Variants in ANKS1B observed in about 807,000 individuals in gnomAD.
ANKS1B encodes the protein ankyrin repeat and sterile alpha motif domain-containing protein 1B.
A neutral mutation model predicts 148.3 loss-of-function variants in ANKS1B; 36 were observed. The ratio of observed to expected loss-of-function variants is 0.24; its 90% CI spans 0.19 to 0.32. The LOEUF (loss-of-function observed/expected upper bound fraction) is 0.32, where lower values mean the gene tolerates loss of function less well. Among genes scored for constraint, ANKS1B ranks in the 10% least tolerant of loss-of-function variants. ANKS1B has a pLI of 1.00. For synonymous variants in ANKS1B, 542 were observed against 560.8 expected, an observed-to-expected ratio of 0.97 and a Z score of 0.47; for missense variants, 1,157 against 1,542.6, an observed-to-expected ratio of 0.75 and a Z score of 4.19.
chr12:99,846,400 C>T (rs759021484), intron 1 of ANKS1B, among the ~76,000 whole-genome samples: 2 of 152,066 alleles, frequency 1.3e-5, no homozygotes, highest in Non-Finnish European at 2.9e-5. Flanking sequence ...ATTAAACCTA[C>T]ATTTCTTACT....
intron 17 of ANKS1B, among the ~76,000 whole-genome samples, chr12:99,022,969 T>C (rs2153442704): frequency 6.6e-6 from 1 of 152,324 alleles, no homozygotes; most frequent in Non-Finnish European, 1.5e-5. Flanking sequence ...TAGGCTTGTA[T>C]TAACATAGTA....
At chr12:99,743,158 T>A (rs1420598546) in intron 8 of ANKS1B, among the ~76,000 whole-genome samples, 2 of 152,194 alleles carry the variant, frequency 1.3e-5, no homozygotes, top group African/African-American at 4.8e-5. Flanking sequence ...TTAATTATAA[T>A]AAATTGTATC....
intron 10 of ANKS1B, among the ~76,000 whole-genome samples, chr12:99,501,765 A>C (rs1459484697): frequency 6.6e-6 from 1 of 152,170 alleles, no homozygotes; most frequent in Non-Finnish European, 1.5e-5. Context: ...AGGTTCAGTA[A>C]GCTCCCCCAG....
intron 19 of ANKS1B, among the ~76,000 whole-genome samples, chr12:98,828,582 G>A (rs1359880709): frequency 2.0e-5 from 3 of 152,198 alleles, no homozygotes; most frequent in Admixed American, 1.3e-4. Flanking sequence ...AAGTTTCTAA[G>A]CAGCAATCCG....
intron 9 of ANKS1B, among the ~76,000 whole-genome samples, chr12:99,632,740 TA>T (rs2098177374): frequency 1.7e-5 from 1 of 57,694 alleles, no homozygotes; most frequent in African/African-American, 7.4e-5. Context: ...TATATATATA[TA>T]TATATATATA....
intron 10 of ANKS1B, among the ~76,000 whole-genome samples, chr12:99,468,968 C>G (rs896352294): frequency 6.6e-6 from 1 of 152,112 alleles, no homozygotes; most frequent in African/African-American, 2.4e-5. Context: ...ATAAATCATG[C>G]TGCTATAAAG....
intron 10 of ANKS1B, among the ~76,000 whole-genome samples, chr12:99,499,867 T>C (rs1011581524): frequency 5.3e-5 from 8 of 152,046 alleles, no homozygotes; most frequent in African/African-American, 1.9e-4. Flanking sequence ...GAGATTTTGA[T>C]AGTTGGATAT....
chr12:99,822,949 C>T (rs1480223663), intron 2 of ANKS1B, among the ~76,000 whole-genome samples: 4 of 152,146 alleles, frequency 2.6e-5, no homozygotes, highest in Admixed American at 6.5e-5. Flanking sequence ...AAGATGCCAA[C>T]ATTTGTCATT....
At chr12:98,863,764 C>T (rs754646418) in intron 17 of ANKS1B, among the ~76,000 whole-genome samples, 2 of 152,096 alleles carry the variant, frequency 1.3e-5, no homozygotes, top group Non-Finnish European at 2.9e-5. Context: ...GAACAAAATG[C>T]TAAAGATATA....
At chr12:98,877,041 T>G (rs74351816) in intron 17 of ANKS1B, among the ~76,000 whole-genome samples, 1 of 152,210 alleles carries the variant, frequency 6.6e-6, no homozygotes, top group Non-Finnish European at 1.5e-5. Flanking sequence ...TTAGATGACA[T>G]GTAATTAACC....
At chr12:98,740,769 A>G (rs1194635845), downstream of ANKS1B, among the ~76,000 whole-genome samples, 3 of 152,108 alleles carry the variant, frequency 2.0e-5, no homozygotes, top group Admixed American at 1.3e-4. Flanking sequence ...CCATCCTCCT[A>G]CATAGGGGTG....
intron 9 of ANKS1B, among the ~76,000 whole-genome samples, chr12:99,619,627 T>C (rs936111996): frequency 6.6e-6 from 1 of 151,462 alleles, no homozygotes; most frequent in African/African-American, 2.4e-5. Flanking sequence ...CAGACTGACA[T>C]GTTCTGTGCT....
chr12:99,099,098 A>G (rs1157452589), intron 15 of ANKS1B, among the ~76,000 whole-genome samples: 1 of 152,038 alleles, frequency 6.6e-6, no homozygotes, highest in East Asian at 1.9e-4. Context: ...TTGAGTCCTA[A>G]AATTGCTGCC....
intron 15 of ANKS1B, among the ~76,000 whole-genome samples, chr12:99,121,149 G>C (rs972911616): frequency 1.3e-5 from 2 of 151,910 alleles, no homozygotes; most frequent in African/African-American, 4.8e-5. Flanking sequence ...TTAATTTGGG[G>C]ACTAGTAGGA....
intron 22 of ANKS1B, among the ~76,000 whole-genome samples, chr12:98,797,044 G>A (rs2098956104): frequency 6.6e-6 from 1 of 152,148 alleles, no homozygotes; most frequent in Non-Finnish European, 1.5e-5. Context: ...TTAAATCAGA[G>A]ATGCCCAATT....
At chr12:98,793,262 T>C (rs956708926) in intron 22 of ANKS1B, among the ~76,000 whole-genome samples, 1 of 152,268 alleles carries the variant, frequency 6.6e-6, no homozygotes, top group African/African-American at 2.4e-5. Context: ...TTTTTTCATA[T>C]ACTTTTTGGC....
intron 8 of ANKS1B, among the ~76,000 whole-genome samples, chr12:99,743,780 A>G (rs2060334759): frequency 6.6e-6 from 1 of 152,218 alleles, no homozygotes. Flanking sequence ...CCAAGACAAC[A>G]GCCTTAGAAA....
At chr12:99,493,373 T>C (rs967452846) in intron 10 of ANKS1B, among the ~76,000 whole-genome samples, 1 of 152,176 alleles carries the variant, frequency 6.6e-6, no homozygotes, top group African/African-American at 2.4e-5. Flanking sequence ...ACAGAATCTC[T>C]GGGACACACC....
chr12:99,682,897 G>A (rs1053769627), intron 8 of ANKS1B, among the ~76,000 whole-genome samples: 4 of 152,012 alleles, frequency 2.6e-5, no homozygotes, highest in African/African-American at 9.7e-5. Context: ...TGCTGATAAA[G>A]ACATACCCGA....
Sources: allele counts gnomAD v4.1 joint callset (sites outside exome capture counted in the v4.1 genomes callset), GRCh38; gene constraint gnomAD v4.1.1; transcripts MANE v1.5; gene names NCBI Gene and HGNC (gene_info 2026-07-23, HGNC 2026-07-21).